Variants in BRINP3 observed in about 807,000 individuals in gnomAD.
BRINP3 encodes the protein BMP/retinoic acid inducible neural specific 3.
In BRINP3, 19 loss-of-function variants were observed where a neutral mutation model predicts 71.0. The ratio of observed to expected loss-of-function variants is 0.27; its 90% CI spans 0.19 to 0.39. The LOEUF (loss-of-function observed/expected upper bound fraction) is 0.39, where lower values mean the gene tolerates loss of function less well. Ranked by LOEUF, BRINP3 falls within the 10% of genes least tolerant of loss-of-function variation. The pLI, the probability that BRINP3 is intolerant of heterozygous loss-of-function variation, is 1.00. For missense variants in BRINP3, 959 were observed against 940.8 expected (o/e 1.02, Z -0.25); for synonymous variants, 380 against 337.7 (o/e 1.13, Z -1.37).
intron 7 of BRINP3, among the ~76,000 whole-genome samples, chr1:190,133,610 G>T (rs1386433694): frequency 6.6e-6 from 1 of 152,070 alleles, no homozygotes; most frequent in Admixed American, 6.6e-5. Context: ...AACAATATAG[G>T]CAGATAAGAA....
intron 7 of BRINP3, among the ~76,000 whole-genome samples, chr1:190,111,676 C>T (rs1052626751): frequency 6.6e-6 from 1 of 152,136 alleles, no homozygotes; most frequent in African/African-American, 2.4e-5. Flanking sequence ...CTTTCTGCTA[C>T]TCACCCTGAA....
At chr1:190,163,725 G>T (rs1651226102) in intron 6 of BRINP3, among the ~76,000 whole-genome samples, 1 of 151,894 alleles carries the variant, frequency 6.6e-6, no homozygotes, top group South Asian at 2.1e-4. Flanking sequence ...TTAACTCTCT[G>T]GACTACTACT....
At chr1:190,181,093 C>A (rs763084875) in intron 6 of BRINP3, among the ~76,000 whole-genome samples, 2 of 152,062 alleles carry the variant, frequency 1.3e-5, no homozygotes, top group African/African-American at 2.4e-5. Flanking sequence ...CAAACACTAC[C>A]CAATCGTTTT....
intron 3 of BRINP3, among the ~76,000 whole-genome samples, chr1:190,273,189 A>G (rs2102904831): frequency 6.6e-6 from 1 of 151,632 alleles, no homozygotes; most frequent in Admixed American, 6.6e-5. Context: ...AATTATAACA[A>G]TTCATCAGAA....
chr1:190,233,349 C>T (rs748786927), intron 5 of BRINP3, among the ~76,000 whole-genome samples: 30 of 151,750 alleles, frequency 2.0e-4, no homozygotes, highest in African/African-American at 5.6e-4. Context: ...GCAACACCAG[C>T]GCCCAGATAA....
chr1:190,275,265 G>C (rs1255301288), intron 3 of BRINP3, among the ~76,000 whole-genome samples: 1 of 151,300 alleles, frequency 6.6e-6, no homozygotes, highest in Non-Finnish European at 1.5e-5. Flanking sequence ...AAACATTTTT[G>C]GTATGTATAG....
intron 7 of BRINP3, among the ~76,000 whole-genome samples, chr1:190,155,182 T>C (rs1401499811): frequency 1.3e-5 from 2 of 152,164 alleles, no homozygotes; most frequent in African/African-American, 4.8e-5. Context: ...AGCTCTTATA[T>C]AATGAATAGG....
At chr1:190,258,922 T>A (rs1187881362) in intron 4 of BRINP3, among the ~76,000 whole-genome samples, 4 of 152,082 alleles carry the variant, frequency 2.6e-5, no homozygotes, top group African/African-American at 9.7e-5. Flanking sequence ...GAGGATCTCT[T>A]AAGCCCCTTA....
chr1:190,340,025 CTGAG>C (rs1451563848), intron 2 of BRINP3, among the ~76,000 whole-genome samples: 2 of 151,976 alleles, frequency 1.3e-5, no homozygotes, highest in South Asian at 2.1e-4. Context: ...CTACCTATGA[CTGAG>C]TATCAAAAAG....
At chr1:190,471,238 A>T (rs1677119016) in intron 1 of BRINP3, among the ~76,000 whole-genome samples, 2 of 151,242 alleles carry the variant, frequency 1.3e-5, no homozygotes, top group African/African-American at 4.8e-5. Flanking sequence ...AGGACTTCCA[A>T]GTATATCTTC....
intron 3 of BRINP3, among the ~76,000 whole-genome samples, chr1:190,267,017 CTT>C (rs1661720340): frequency 6.6e-6 from 1 of 152,094 alleles, no homozygotes; most frequent in South Asian, 2.1e-4. Flanking sequence ...AACAGCAACA[CTT>C]TTCATAAAGC....
At chr1:190,301,362 T>C in intron 2 of BRINP3, among the ~76,000 whole-genome samples, 1 of 150,454 alleles carries the variant, frequency 6.6e-6, no homozygotes, top group East Asian at 1.9e-4. Flanking sequence ...TTGTGTTTAA[T>C]ATTTCCTCTA....
intron 6 of BRINP3, among the ~76,000 whole-genome samples, chr1:190,209,918 A>T (rs1655840668): frequency 6.6e-6 from 1 of 152,144 alleles, no homozygotes; most frequent in African/African-American, 2.4e-5. Context: ...AGTTTGAAAA[A>T]TAGTACATTT....
intron 7 of BRINP3, among the ~76,000 whole-genome samples, chr1:190,101,837 C>T (rs1199211319): frequency 6.6e-6 from 1 of 152,136 alleles, no homozygotes; most frequent in East Asian, 1.9e-4. Context: ...AAGTAGGGCA[C>T]TGTAGAAAGA....
At chr1:190,325,900 A>G (rs1666550186) in intron 2 of BRINP3, among the ~76,000 whole-genome samples, 1 of 152,130 alleles carries the variant, frequency 6.6e-6, no homozygotes, top group South Asian at 2.1e-4. Flanking sequence ...TTAAAAACCA[A>G]TAATAACTGT....
intron 2 of BRINP3, among the ~76,000 whole-genome samples, chr1:190,331,548 T>G (rs1666965938): frequency 6.6e-6 from 1 of 152,026 alleles, no homozygotes. Context: ...CACATAATTA[T>G]TTGTAGTACG....
intron 2 of BRINP3, among the ~76,000 whole-genome samples, chr1:190,311,091 C>T (rs565964762): frequency 5.7e-4 from 87 of 151,800 alleles, no homozygotes; most frequent in Non-Finnish European, 6.5e-4. Flanking sequence ...TACTTTCTTT[C>T]TGACTCTGGG....
intron 2 of BRINP3, among the ~76,000 whole-genome samples, chr1:190,315,466 CAGAG>C (rs941578337): frequency 4.6e-5 from 7 of 152,122 alleles, no homozygotes; most frequent in African/African-American, 1.4e-4. Context: ...AATTTCCTCA[CAGAG>C]AGCACAGCCA....
At chr1:190,468,405 T>A (rs897429711) in intron 1 of BRINP3, among the ~76,000 whole-genome samples, 1 of 151,298 alleles carries the variant, frequency 6.6e-6, no homozygotes, top group Non-Finnish European at 1.5e-5. Flanking sequence ...ACAAAAGTGA[T>A]CTTTCATTTT....
Sources: gnomAD v4.1 joint callset for allele counts (sites outside exome capture counted in the v4.1 genomes callset) on GRCh38, gnomAD v4.1.1 for gene constraint, MANE v1.5 for transcripts, NCBI Gene and HGNC (gene_info 2026-07-23, HGNC 2026-07-21) for gene names.